The following PRR16 variants were observed in gnomAD, a reference collection of about 807,000 sequenced individuals.
PRR16 encodes proline rich 16.
A neutral mutation model predicts 18.2 loss-of-function variants in PRR16; 6 were observed. The observed-to-expected ratio is 0.33, with a 90% CI of 0.18 to 0.65. PRR16 has a LOEUF of 0.65. Among genes scored for constraint, PRR16 ranks in the 30% least tolerant of loss-of-function variants. The pLI, the probability that PRR16 is intolerant of heterozygous loss-of-function variation, is 0.74. For synonymous variants in PRR16, 151 were observed against 147.8 expected (o/e 1.02, Z -0.16); for missense variants, 412 against 376.6 (o/e 1.09, Z -0.78).
At chr5:120,509,999 C>T (rs1750779825) in intron 1 of PRR16, among the ~76,000 whole-genome samples, 1 of 152,068 alleles carries the variant, frequency 6.6e-6, no homozygotes, top group South Asian at 2.1e-4. Flanking sequence ...CATGTTTGGA[C>T]TAGTGCATAA....
chr5:120,626,297 A>C (rs145809618), intron 1 of PRR16, among the ~76,000 whole-genome samples: 4,124 of 152,260 alleles, frequency 0.027, 117 homozygotes, highest in Middle Eastern at 0.16. Flanking sequence ...ACAACTGCTG[A>C]CACATGCTCC....
chr5:120,718,760 T>G, the PRR16 span, among the ~76,000 whole-genome samples: 134 of 152,222 alleles, frequency 8.8e-4, 1 homozygote, highest in Middle Eastern at 3.4e-3. Flanking sequence ...CAATGAGTTA[T>G]GAGGGTTCAG....
At chr5:120,496,155 T>C (rs1750238147) in intron 1 of PRR16, among the ~76,000 whole-genome samples, 1 of 152,060 alleles carries the variant, frequency 6.6e-6, no homozygotes, top group African/African-American at 2.4e-5. Context: ...TCATGCTGTA[T>C]AATTAATTTT....
chr5:120,663,505 C>A (rs536023897), intron 1 of PRR16, among the ~76,000 whole-genome samples: 1 of 152,130 alleles, frequency 6.6e-6, no homozygotes, highest in Admixed American at 6.5e-5. Flanking sequence ...CTGTGCACAC[C>A]GTCTACTTTA....
the PRR16 span, among the ~76,000 whole-genome samples, chr5:120,738,392 G>A: frequency 6.6e-6 from 1 of 151,214 alleles, no homozygotes; most frequent in Non-Finnish European, 1.5e-5. Context: ...TATTCTTAAT[G>A]AAAAAAAAAT....
chr5:120,479,313 T>A (rs1018989946), intron 1 of PRR16, among the ~76,000 whole-genome samples: 1 of 152,180 alleles, frequency 6.6e-6, no homozygotes, highest in African/African-American at 2.4e-5. Flanking sequence ...TCAGGGAGAC[T>A]GTTGGACCTC....
chr5:120,544,991 A>G (rs1752031769), intron 1 of PRR16, among the ~76,000 whole-genome samples: 1 of 152,142 alleles, frequency 6.6e-6, no homozygotes, highest in African/African-American at 2.4e-5. Flanking sequence ...CTGTATATTT[A>G]TTGTTTGCTG....
chr5:120,493,759 A>G (rs1750147573), intron 1 of PRR16, among the ~76,000 whole-genome samples: 1 of 152,202 alleles, frequency 6.6e-6, no homozygotes, highest in Non-Finnish European at 1.5e-5. Flanking sequence ...TCTTTTCAAG[A>G]TTGCTATATA....
the PRR16 span, among the ~76,000 whole-genome samples, chr5:120,743,517 G>T: frequency 6.6e-6 from 1 of 151,988 alleles, no homozygotes; most frequent in Non-Finnish European, 1.5e-5. Context: ...TTCGAATATT[G>T]TAGTGAACTG....
intron 1 of PRR16, among the ~76,000 whole-genome samples, chr5:120,625,668 A>G (rs1270334916): frequency 6.6e-6 from 1 of 152,102 alleles, no homozygotes; most frequent in Non-Finnish European, 1.5e-5. Flanking sequence ...TCCCCCGTAT[A>G]AAAACATGTG....
the PRR16 span, among the ~76,000 whole-genome samples, chr5:120,736,211 C>G: frequency 6.6e-6 from 1 of 152,150 alleles, no homozygotes; most frequent in African/African-American, 2.4e-5. Context: ...AATGTTTTCT[C>G]GACTAAAATT....
intron 1 of PRR16, among the ~76,000 whole-genome samples, chr5:120,567,735 CCCCTTTG>C (rs1407480649): frequency 6.6e-6 from 1 of 152,180 alleles, no homozygotes; most frequent in Non-Finnish European, 1.5e-5. Flanking sequence ...GTGCTTGCTT[CCCCTTTG>C]CCCTTCTGCC....
intron 1 of PRR16, among the ~76,000 whole-genome samples, chr5:120,651,435 T>G (rs1378275416): frequency 6.6e-6 from 1 of 152,156 alleles, no homozygotes; most frequent in Non-Finnish European, 1.5e-5. Flanking sequence ...TTGCCTAGGT[T>G]TTCTTCTAGG....
intron 1 of PRR16, among the ~76,000 whole-genome samples, chr5:120,481,801 A>G (rs1293330038): frequency 1.3e-5 from 2 of 152,184 alleles, no homozygotes; most frequent in East Asian, 1.9e-4. Context: ...CAATTTGCCT[A>G]GAATAATTTT....
At chr5:120,642,619 C>T (rs765094844) in intron 1 of PRR16, among the ~76,000 whole-genome samples, 3 of 152,108 alleles carry the variant, frequency 2.0e-5, no homozygotes, top group Non-Finnish European at 4.4e-5. Flanking sequence ...ATGCTGCAAC[C>T]ATAAATTTTG....
At chr5:120,593,413 A>G (rs1753701591) in intron 1 of PRR16, among the ~76,000 whole-genome samples, 1 of 152,040 alleles carries the variant, frequency 6.6e-6, no homozygotes, top group African/African-American at 2.4e-5. Context: ...GAAGTGGATA[A>G]ATTCCTAGAC....
chr5:120,500,788 T>G (rs1750424239), intron 1 of PRR16, among the ~76,000 whole-genome samples: 1 of 152,198 alleles, frequency 6.6e-6, no homozygotes, highest in Non-Finnish European at 1.5e-5. Flanking sequence ...TTATTTTCTG[T>G]TATTAAAATA....
Position 120,686,484 on chromosome 5 carries a change from G to A in PRR16, c.690G>A (p.Glu230=). 1.2e-6 allele frequency: 2 copies of A among 1,613,902 alleles called. No homozygotes were observed. Among genetic ancestry groups the A allele is most frequent in the African/African-American group, 2.7e-5 (2 of 74,952 alleles). ...CDTRYNIKNR[E]VHLHSEPVHP... is the part of the protein sequence containing the mutation. ...CCCGGTATAACATAAAAAACAGGGA[G>A]GTCCACTTACACAGTGAACCTGTCC... Residue 230 remains glutamate, a synonymous_variant, in exon 2 of 2, where the codon GAG becomes GAA. Coordinates refer to ENST00000407149, the MANE Select transcript of PRR16 (RefSeq NM_001300783.2).
At chr5:120,504,759 G>T (rs766483863) in intron 1 of PRR16, among the ~76,000 whole-genome samples, 3 of 152,132 alleles carry the variant, frequency 2.0e-5, no homozygotes, top group African/African-American at 2.4e-5. Context: ...GACTCTTAAA[G>T]GTATGACAAA....
Sources: allele counts gnomAD v4.1 joint callset (sites outside exome capture counted in the v4.1 genomes callset), GRCh38; gene constraint gnomAD v4.1.1; transcripts MANE v1.5; gene names NCBI Gene and HGNC (gene_info 2026-07-23, HGNC 2026-07-21).